The following CADPS2 variants were observed in gnomAD, a reference collection of about 807,000 sequenced individuals.
CADPS2 encodes calcium dependent secretion activator 2.
Under a neutral mutation model 172.5 loss-of-function variants are expected in CADPS2, and 93 were observed. That is an observed-to-expected ratio of 0.54 (90% CI 0.46 to 0.64). The LOEUF (loss-of-function observed/expected upper bound fraction) is 0.64. Among genes scored for constraint, CADPS2 ranks in the 30% least tolerant of loss-of-function variants. The pLI is 0.00. For missense variants in CADPS2, 1,420 were observed against 1,565.9 expected (o/e 0.91, Z 1.57); for synonymous variants, 546 against 555.2 (o/e 0.98, Z 0.23).
At chr7:122,494,467 C>T (rs2058574497) in intron 9 of CADPS2, among the ~76,000 whole-genome samples, 1 of 151,480 alleles carries the variant, frequency 6.6e-6, no homozygotes, top group Non-Finnish European at 1.5e-5. Context: ...ACATGGGAAC[C>T]TAAGATATAA....
chr7:122,655,387 T>G (rs972445728), intron 3 of CADPS2, among the ~76,000 whole-genome samples: 1 of 152,140 alleles, frequency 6.6e-6, no homozygotes, highest in East Asian at 1.9e-4. Context: ...GAAACTAATA[T>G]AGCCAACCTA....
At chr7:122,780,790 G>A (rs1006862703) in intron 1 of CADPS2, among the ~76,000 whole-genome samples, 2 of 152,152 alleles carry the variant, frequency 1.3e-5, no homozygotes, top group Non-Finnish European at 2.9e-5. Context: ...GTTCTTTTAA[G>A]GGCTGTATAA....
intron 12 of CADPS2, among the ~76,000 whole-genome samples, chr7:122,475,440 GTCA>G (rs1215735192): frequency 6.6e-6 from 1 of 152,088 alleles, no homozygotes; most frequent in African/African-American, 2.4e-5. Context: ...TCTCTTTCTG[GTCA>G]TCATAAGAAA....
At chr7:122,786,112 C>T (rs1379271518) in intron 1 of CADPS2, among the ~76,000 whole-genome samples, 3 of 100,194 alleles carry the variant, frequency 3.0e-5, no homozygotes, top group East Asian at 5.0e-4. Context: ...CTAGTAGTCT[C>T]GTCTATTTCA....
intron 1 of CADPS2, among the ~76,000 whole-genome samples, chr7:122,785,766 C>T (rs1371525071): frequency 6.6e-6 from 1 of 152,092 alleles, no homozygotes; most frequent in African/African-American, 2.4e-5. Context: ...ATCTACCCCT[C>T]TGGAGCTCTT....
At chr7:122,589,743 T>C (rs1179800912) in intron 6 of CADPS2, among the ~76,000 whole-genome samples, 5 of 151,878 alleles carry the variant, frequency 3.3e-5, no homozygotes, top group African/African-American at 4.8e-5. Flanking sequence ...GTGATTAACA[T>C]AGAAACTGTT....
intron 1 of CADPS2, among the ~76,000 whole-genome samples, chr7:122,810,768 T>A (rs1390279340): frequency 6.6e-6 from 1 of 152,104 alleles, no homozygotes; most frequent in African/African-American, 2.4e-5. Flanking sequence ...TTTTTAAAAA[T>A]TTTTTGATAG....
At chr7:122,774,643 GCTCT>G (rs1307206963) in intron 1 of CADPS2, among the ~76,000 whole-genome samples, 4 of 152,054 alleles carry the variant, frequency 2.6e-5, no homozygotes, top group Non-Finnish European at 5.9e-5. Context: ...CATCTGATAT[GCTCT>G]CTGATCCTCA....
rs370116680 is a variant in CADPS2 at position 122,724,916 on chromosome 7, C to T, written c.453+12039G>A. On this transcript the variant is annotated intron_variant, in intron 2 of 29. Transcript: ENST00000449022. ...TTAAATGCATAAAAATAAGTCCATA[C>T]GATTACAGAGAAAAGCAATTATAAT... Among the ~76,000 whole-genome samples the T allele has an allele frequency of 1.5e-4, 23 of 151,758 alleles. No homozygotes were observed. In the South Asian group the frequency reaches 2.1e-3, roughly 14 times the overall value.
At chr7:122,515,392 C>G (rs137959589) in intron 8 of CADPS2, among the ~76,000 whole-genome samples, 2 of 152,230 alleles carry the variant, frequency 1.3e-5, no homozygotes, top group Non-Finnish European at 2.9e-5. Flanking sequence ...CTCTTTCTGT[C>G]TTTCTCTGCA....
chr7:122,728,925 A>G (rs1325113597), intron 2 of CADPS2, among the ~76,000 whole-genome samples: 1 of 151,728 alleles, frequency 6.6e-6, no homozygotes, highest in East Asian at 1.9e-4. Context: ...AAAAATACAT[A>G]ATTGTTAACT....
intron 2 of CADPS2, among the ~76,000 whole-genome samples, chr7:122,668,585 G>C (rs1416508489): frequency 6.6e-6 from 1 of 152,154 alleles, no homozygotes; most frequent in Non-Finnish European, 1.5e-5. Context: ...GAATAAGAGA[G>C]ACAGAGACAG....
At chr7:122,859,413 C>T (rs1038865751) in intron 1 of CADPS2, among the ~76,000 whole-genome samples, 13 of 152,214 alleles carry the variant, frequency 8.5e-5, no homozygotes, top group African/African-American at 2.6e-4. Flanking sequence ...CTTTTGAAAT[C>T]GCTTTCTCCA....
chr7:122,591,259 C>G (rs2070756014), intron 6 of CADPS2, among the ~76,000 whole-genome samples: 1 of 152,058 alleles, frequency 6.6e-6, no homozygotes, highest in Non-Finnish European at 1.5e-5. Flanking sequence ...GAATAAAATA[C>G]TTAGGAATCC....
chr7:122,617,040 A>G (rs553471975), intron 5 of CADPS2, among the ~76,000 whole-genome samples: 3 of 152,318 alleles, frequency 2.0e-5, no homozygotes, highest in East Asian at 3.9e-4. Flanking sequence ...ATTTCAGAAT[A>G]TTATTGTTGA....
chr7:122,527,668 G>A (rs1198310821), intron 8 of CADPS2, among the ~76,000 whole-genome samples: 3 of 147,430 alleles, frequency 2.0e-5, no homozygotes, highest in East Asian at 4.0e-4. Context: ...TGCAAGTGGT[G>A]GGCTTCCTTA....
chr7:122,452,305 T>C (rs2053222279), intron 14 of CADPS2, among the ~76,000 whole-genome samples: 1 of 152,224 alleles, frequency 6.6e-6, no homozygotes, highest in African/African-American at 2.4e-5. Flanking sequence ...GAATCTCATA[T>C]TCACTTCAAA....
At chr7:122,879,661 T>C (rs1585124791) in intron 1 of CADPS2, among the ~76,000 whole-genome samples, 1 of 152,348 alleles carries the variant, frequency 6.6e-6, no homozygotes, top group East Asian at 1.9e-4. Context: ...AGCTATTAGA[T>C]TGACAAAGAC....
chr7:122,675,782 A>T (rs754152349), intron 2 of CADPS2, among the ~76,000 whole-genome samples: 1 of 152,132 alleles, frequency 6.6e-6, no homozygotes, highest in Non-Finnish European at 1.5e-5. Context: ...GAACACATGC[A>T]CGCAGGGAGG....
Sources: allele counts gnomAD v4.1 joint callset (sites outside exome capture counted in the v4.1 genomes callset), GRCh38; gene constraint gnomAD v4.1.1; transcripts MANE v1.5; gene names NCBI Gene and HGNC (gene_info 2026-07-23, HGNC 2026-07-21).